Variants in ANK2 observed in about 807,000 individuals in gnomAD.
ANK2 encodes the protein ankyrin-2.
Under a neutral mutation model 360.5 loss-of-function variants are expected in ANK2, and 83 were observed. That is an observed-to-expected ratio of 0.23 (90% CI 0.19 to 0.28). The LOEUF (loss-of-function observed/expected upper bound fraction) is 0.28, where lower values mean the gene tolerates loss of function less well. Ranked by LOEUF, ANK2 falls within the 10% of genes least tolerant of loss-of-function variation. The pLI, the probability that ANK2 is intolerant of heterozygous loss-of-function variation, is 1.00. For synonymous variants in ANK2, 1,740 were observed against 1,759.5 expected, an observed-to-expected ratio of 0.99 and a Z score of 0.28; for missense variants, 4,201 against 4,795.7, an observed-to-expected ratio of 0.88 and a Z score of 3.66.
At chr4:112,745,369 A>G in the ANK2 span, among the ~76,000 whole-genome samples, 7 of 152,154 alleles carry the variant, frequency 4.6e-5, no homozygotes, top group African/African-American at 1.7e-4. Flanking sequence ...TAGGCATGCA[A>G]TGCGTAATAA....
chr4:113,037,130 T>C (rs954473069), intron 2 of ANK2, among the ~76,000 whole-genome samples: 3 of 152,020 alleles, frequency 2.0e-5, no homozygotes, highest in African/African-American at 7.2e-5. Flanking sequence ...TGTAGCAAAC[T>C]AACTTGTTAA....
intron 2 of ANK2, among the ~76,000 whole-genome samples, chr4:113,006,384 T>C (rs2052866321): frequency 6.6e-6 from 1 of 152,148 alleles, no homozygotes; most frequent in Non-Finnish European, 1.5e-5. Context: ...GAGAAGATAG[T>C]GGAAAAGGAA....
chr4:113,233,445 T>C (rs2099346403), intron 5 of ANK2, among the ~76,000 whole-genome samples: 2 of 152,106 alleles, frequency 1.3e-5, no homozygotes, highest in Admixed American at 1.3e-4. Context: ...TTTTCTTATT[T>C]CATATTTTGT....
intron 1 of ANK2, chr4:113,151,274 A>AT: frequency 5.5e-6 from 3 of 543,134 alleles, no homozygotes; most frequent in African/African-American, 2.0e-5. Flanking sequence ...TAGCTACAAA[A>AT]GAATACCCGA....
the ANK2 span, among the ~76,000 whole-genome samples, chr4:112,775,546 A>ACAC: frequency 5.7e-4 from 5 of 8,752 alleles, no homozygotes; most frequent in African/African-American, 1.1e-3. Context: ...CACACACACA[A>ACAC]GAAAAAAAAT....
rs1260243943 is a variant in ANK2 at position 113,363,467 on chromosome 4, C to T, written c.10886C>T (p.Thr3629Ile). The T allele has an allele frequency of 1.2e-6, 2 of 1,613,296 alleles. No individual in the cohort carries two copies. The highest frequency in any genetic ancestry group is 1.7e-5 in the Admixed American group (1 of 59,962). The change falls in exon 40 of 46, where the codon ACA becomes ATA. Residue 3629 changes from threonine to isoleucine, a missense_variant and splice_region_variant. Physicochemically the swap from Thr to Ile is moderately conservative, Grantham distance 89. Coordinates refer to ENST00000357077, the MANE Select transcript of ANK2 (RefSeq NM_001148.6). The stretch of plus-strand genomic sequence containing the variant: ...CTAGAGAGGGATGGGAAACATGCTA[C>T]AGGTAAGTGGGGAACTATATGCATA... ...YWLERDGKHA[T>I]DTNLVECLTK...
intron 1 of ANK2, chr4:112,827,709 C>A: frequency 1.8e-6 from 1 of 556,554 alleles, no homozygotes. Flanking sequence ...ACATAATCAC[C>A]AATATGAAAG....
intron 42 of ANK2, among the ~76,000 whole-genome samples, chr4:113,368,659 T>C (rs907849761): frequency 3.9e-5 from 6 of 152,164 alleles, no homozygotes; most frequent in African/African-American, 1.4e-4. Context: ...TGTCATGAGA[T>C]TGTATCAAAA....
In ANK2 at chr4:113,207,017, C is replaced by G. The variant is rs543837381; in HGVS notation, c.384+7908C>G. 2.6e-5 allele frequency among the ~76,000 whole-genome samples: 4 copies of G among 152,112 alleles called. No individual in the cohort carries two copies. The East Asian group carries it at 7.7e-4, about 29-fold the overall frequency. On this transcript the variant is annotated intron_variant, in intron 4 of 45. Transcript: ENST00000357077. ...CCAGCCTGGGCAACAGAGTGAGACT[C>G]CATCTCAAAAAAAAATTGCCAAGAA...
intron 2 of ANK2, among the ~76,000 whole-genome samples, chr4:113,019,508 A>C (rs975217831): frequency 2.6e-5 from 4 of 152,244 alleles, no homozygotes; most frequent in Non-Finnish European, 5.9e-5. Context: ...ATAAGTAAAT[A>C]CAACTATTTT....
At chr4:113,330,565 C>G in intron 27 of ANK2, 95 bp downstream of exon 27, 1 of 1,301,548 alleles carries the variant, frequency 7.7e-7, no homozygotes, top group Middle Eastern at 2.5e-4. Context: ...GTACGTCAAA[C>G]CATTTTGAAA....
chr4:113,355,344 G>C lies in ANK2; in HGVS notation c.6726G>C (p.Thr2242=). The change falls in exon 38 of 46, where the codon ACG becomes ACC. Residue 2242 remains threonine (T), a synonymous_variant. Transcript: ENST00000357077. ...KHEGLAETPE[T]SPESLSFSPK... ...AAGGCCTAGCAGAGACCCCTGAGAC[G>C]AGCCCAGAAAGCCTTTCTTTCTCAC... The C allele has an allele frequency of 6.2e-7, 1 of 1,613,986 alleles. No homozygotes were observed. Among genetic ancestry groups the C allele is most frequent in the Non-Finnish European group, 8.5e-7 (1 of 1,179,970 alleles).
At chr4:113,078,769 T>A (rs932046365) in intron 1 of ANK2, among the ~76,000 whole-genome samples, 2 of 152,184 alleles carry the variant, frequency 1.3e-5, no homozygotes, top group Non-Finnish European at 2.9e-5. Flanking sequence ...CTGTAAATAT[T>A]CTGAACAAAG....
Position 113,355,691 on chromosome 4 carries a change from G to T in ANK2, c.7073G>T (p.Ser2358Ile). The change falls in exon 38 of 46, where the codon AGT (serine) becomes ATT (isoleucine). Residue 2358 changes from serine (S) to isoleucine (I), a missense_variant. Ser to Ile is a moderately radical substitution (Grantham distance 142). This residue lies in a region of ANK2 where 2,642 missense variants were observed against 2,714.5 expected (regional missense o/e 0.97). Coordinates refer to ENST00000357077, the MANE Select transcript of ANK2 (RefSeq NM_001148.6). ...GATGAAGGTCAACGTACCTTTGGTA[G>T]TTCAGCCCACAAGACACAAACTGAT... ...ACDEGQRTFG[S>I]SAHKTQTDSE... is the part of the protein sequence containing the mutation. The T allele has an allele frequency of 6.2e-7, 1 of 1,614,166 alleles. No individual in the cohort carries two copies. The highest frequency in any genetic ancestry group is 8.5e-7 in the Non-Finnish European group (1 of 1,180,002).
chr4:113,372,102 CAG>C (rs576591558), intron 43 of ANK2, among the ~76,000 whole-genome samples: 886 of 152,258 alleles, frequency 5.8e-3, no homozygotes, highest in Middle Eastern at 0.017. Flanking sequence ...CTGCTAGAAA[CAG>C]GGGATATTCC....
chr4:112,738,807 C>A, the ANK2 span: 1 of 625,314 alleles, frequency 1.6e-6, no homozygotes. Context: ...CAACAGGGTT[C>A]ATAGAAGGTT....
chr4:113,318,546 G>A lies in ANK2; in HGVS notation c.2826G>A (p.Arg942=), dbSNP rs771898745. The part of the protein sequence containing the change: ...QVSTLAKEAE[R]NSYRLSWGTE... ...CAACTCTAGCCAAGGAGGCAGAAAG[G>A]AATTCTTATCGCCTAAGCTGGGGCA... Residue 942 remains arginine, a synonymous_variant, in exon 26 of 46, where the codon AGG becomes AGA. Coordinates refer to ENST00000357077, the MANE Select transcript of ANK2 (RefSeq NM_001148.6). The A allele has an allele frequency of 1.9e-6, 3 of 1,613,712 alleles. No homozygotes were observed. Among genetic ancestry groups the A allele is most frequent in the Non-Finnish European group, 2.5e-6 (3 of 1,179,814 alleles).
At chr4:113,033,277 A>T (rs1044446137) in intron 2 of ANK2, among the ~76,000 whole-genome samples, 8 of 152,006 alleles carry the variant, frequency 5.3e-5, no homozygotes, top group Non-Finnish European at 1.0e-4. Flanking sequence ...TAACCTTCTT[A>T]TTTTAGAAAT....
the ANK2 span, among the ~76,000 whole-genome samples, chr4:112,716,526 G>C: frequency 6.6e-6 from 1 of 152,130 alleles, no homozygotes; most frequent in African/African-American, 2.4e-5. Flanking sequence ...TATATCGTAA[G>C]CCTTCTGGTT....
Sources: allele counts gnomAD v4.1 joint callset (sites outside exome capture counted in the v4.1 genomes callset), GRCh38; gene constraint gnomAD v4.1.1; regional missense constraint gnomAD v4.1.1; transcripts MANE v1.5; gene names NCBI Gene and HGNC (gene_info 2026-07-23, HGNC 2026-07-21).